The following CTNNA3 variants were observed in gnomAD, a reference collection of about 807,000 sequenced individuals.
CTNNA3 encodes the protein catenin alpha 3, also known as catenin alpha-3.
In CTNNA3, 76 loss-of-function variants were observed where a neutral mutation model predicts 95.7. That is an observed-to-expected ratio of 0.79 (90% CI 0.66 to 0.96). The LOEUF (loss-of-function observed/expected upper bound fraction) is 0.96. CTNNA3 is among the 40% of genes least tolerant of loss of function. CTNNA3 has a pLI of 0.00. For missense variants in CTNNA3, 1,191 were observed against 1,089.8 expected (o/e 1.09, Z -1.31); for synonymous variants, 431 against 374.4 (o/e 1.15, Z -1.74).
chr10:66,378,072 T>C (rs907349686), intron 12 of CTNNA3, among the ~76,000 whole-genome samples: 2 of 152,152 alleles, frequency 1.3e-5, no homozygotes, highest in East Asian at 3.9e-4. Flanking sequence ...AAACTGATCA[T>C]CAATTCCCTG....
intron 5 of CTNNA3, among the ~76,000 whole-genome samples, chr10:67,407,330 T>A (rs1845173570): frequency 6.6e-6 from 1 of 152,166 alleles, no homozygotes; most frequent in Non-Finnish European, 1.5e-5. Flanking sequence ...CATGATTATC[T>A]CAACAGATGC....
intron 7 of CTNNA3, among the ~76,000 whole-genome samples, chr10:66,933,009 A>T (rs1847495446): frequency 6.6e-6 from 1 of 152,222 alleles, no homozygotes; most frequent in Non-Finnish European, 1.5e-5. Flanking sequence ...TATGTAACAC[A>T]GATGTGTACT....
chr10:67,534,223 GA>G (rs1420441078), intron 4 of CTNNA3, among the ~76,000 whole-genome samples: 1 of 152,034 alleles, frequency 6.6e-6, no homozygotes, highest in Non-Finnish European at 1.5e-5. Flanking sequence ...CTTTAAAGTG[GA>G]TACCCTCCTC....
intron 13 of CTNNA3, among the ~76,000 whole-genome samples, chr10:66,175,623 G>A (rs1443018876): frequency 6.6e-6 from 1 of 152,074 alleles, no homozygotes; most frequent in East Asian, 1.9e-4. Flanking sequence ...GTGAGAGGAG[G>A]GTATTGTCAA....
rs556621875 is a variant in CTNNA3 at position 65,941,232 on chromosome 10, T to C, written c.2401-20615A>G. Among the ~76,000 whole-genome samples the C allele has an allele frequency of 1.4e-4, 22 of 152,302 alleles. No individual in the cohort carries two copies. The South Asian group carries it at 4.6e-3, about 32-fold the overall frequency. ...TTTACAGATGAAGCACAAAGATCCA[T>C]AGTCACATATTTTGTAACAAGAGCA... On this transcript the variant is annotated intron_variant, in intron 17 of 17. Coordinates refer to ENST00000433211, the MANE Select transcript of CTNNA3 (RefSeq NM_013266.4).
intron 15 of CTNNA3, among the ~76,000 whole-genome samples, chr10:65,995,282 CTTTA>C (rs2133347118): frequency 6.6e-6 from 1 of 151,964 alleles, no homozygotes; most frequent in South Asian, 2.1e-4. Context: ...TAAGTCACTT[CTTTA>C]TTTTTTTGGA....
chr10:66,522,486 A>T (rs1841101251), intron 10 of CTNNA3, among the ~76,000 whole-genome samples: 1 of 151,962 alleles, frequency 6.6e-6, no homozygotes, highest in African/African-American at 2.4e-5. Context: ...TTGAGTTCTC[A>T]CGAGATCTGA....
At chr10:67,144,963 C>T (rs933095344) in intron 7 of CTNNA3, among the ~76,000 whole-genome samples, 4 of 152,072 alleles carry the variant, frequency 2.6e-5, no homozygotes, top group Non-Finnish European at 5.9e-5. Flanking sequence ...AAGAGACGTG[C>T]GGCTCTTCCT....
At chr10:67,387,538 C>T (rs1028708660) in intron 5 of CTNNA3, among the ~76,000 whole-genome samples, 1 of 152,196 alleles carries the variant, frequency 6.6e-6, no homozygotes, top group African/African-American at 2.4e-5. Flanking sequence ...CCGGGAAGCT[C>T]GAACTGGGTG....
chr10:66,479,667 A>G (rs1839446731), intron 11 of CTNNA3, among the ~76,000 whole-genome samples: 1 of 152,058 alleles, frequency 6.6e-6, no homozygotes, highest in Non-Finnish European at 1.5e-5. Flanking sequence ...AATTCAACAC[A>G]TATGTTGATC....
intron 10 of CTNNA3, among the ~76,000 whole-genome samples, chr10:66,607,148 C>T (rs1252656249): frequency 2.6e-5 from 4 of 151,922 alleles, no homozygotes; most frequent in Non-Finnish European, 4.4e-5. Flanking sequence ...AACACTATGA[C>T]CACCTCTACG....
intron 7 of CTNNA3, among the ~76,000 whole-genome samples, chr10:67,082,946 T>C: frequency 6.6e-6 from 1 of 152,140 alleles, no homozygotes; most frequent in Admixed American, 6.5e-5. Flanking sequence ...TAAGTGCTCA[T>C]GAGGCATTAA....
Position 66,641,925 on chromosome 10 carries a change from T to C in CTNNA3, c.1282-20141A>G, listed in dbSNP as rs151077887. Among the ~76,000 whole-genome samples the C allele has an allele frequency of 3.9e-3, 594 of 152,218 alleles. 7 individuals carry two copies. The highest frequency in any genetic ancestry group is 0.013 in the African/African-American group (553 of 41,542). ...AAACCCAAAGCTACAGCAGAACACA[T>C]TTGAAATTATGAATACAACCATAAA... On this transcript the variant is annotated intron_variant, in intron 9 of 17. Coordinates refer to ENST00000433211, the MANE Select transcript of CTNNA3 (RefSeq NM_013266.4).
chr10:67,108,309 A>C (rs1275345103), intron 7 of CTNNA3, among the ~76,000 whole-genome samples: 1 of 152,156 alleles, frequency 6.6e-6, no homozygotes, highest in Admixed American at 6.5e-5. Context: ...AATTTTTTTA[A>C]GTTGAGAAAT....
chr10:66,621,274 T>A (rs1012564039), intron 10 of CTNNA3, among the ~76,000 whole-genome samples: 2 of 152,136 alleles, frequency 1.3e-5, no homozygotes, highest in African/African-American at 4.8e-5. Context: ...TGTCAGTCTT[T>A]TTCTCTACTC....
intron 9 of CTNNA3, among the ~76,000 whole-genome samples, chr10:66,647,661 C>T (rs909111633): frequency 6.8e-6 from 1 of 147,660 alleles, no homozygotes; most frequent in Non-Finnish European, 1.5e-5. Flanking sequence ...CAGGCACCTG[C>T]CACCACGCCC....
chr10:67,178,073 T>G (rs1012376441), intron 7 of CTNNA3, among the ~76,000 whole-genome samples: 22 of 152,142 alleles, frequency 1.4e-4, no homozygotes, highest in African/African-American at 5.3e-4. Context: ...GCACATGTCT[T>G]GGCTCATATG....
chr10:66,424,464 C>T (rs186519169), intron 11 of CTNNA3, among the ~76,000 whole-genome samples: 17 of 152,058 alleles, frequency 1.1e-4, no homozygotes, highest in East Asian at 5.8e-4. Context: ...CAGATTTAGA[C>T]GCATTCAGTT....
intron 5 of CTNNA3, among the ~76,000 whole-genome samples, chr10:67,424,669 A>G (rs1425190270): frequency 6.6e-6 from 1 of 152,078 alleles, no homozygotes; most frequent in Non-Finnish European, 1.5e-5. Context: ...AACAGAAAAA[A>G]TAGAATCATC....
Sources: gnomAD v4.1 joint callset for allele counts (sites outside exome capture counted in the v4.1 genomes callset) on GRCh38, gnomAD v4.1.1 for gene constraint, MANE v1.5 for transcripts, NCBI Gene and HGNC (gene_info 2026-07-23, HGNC 2026-07-21) for gene names.